The following SLC11A2 variants were observed in gnomAD, a reference collection of about 807,000 sequenced individuals.
SLC11A2 encodes natural resistance-associated macrophage protein 2.
A neutral mutation model predicts 68.0 loss-of-function variants in SLC11A2; 38 were observed. That is an observed-to-expected ratio of 0.56 (90% CI 0.43 to 0.73). The LOEUF is 0.73. Among genes scored for constraint, SLC11A2 ranks in the 30% least tolerant of loss-of-function variants. SLC11A2 has a pLI of 0.00. For missense variants in SLC11A2, 517 were observed against 690.5 expected, an observed-to-expected ratio of 0.75 and a Z score of 2.82; for synonymous variants, 242 against 250.6, an observed-to-expected ratio of 0.97 and a Z score of 0.32.
the SLC11A2 span, among the ~76,000 whole-genome samples, chr12:50,973,379 AG>A: frequency 1.3e-5 from 2 of 152,196 alleles, no homozygotes; most frequent in Non-Finnish European, 2.9e-5. Context: ...CCAGGCAAAA[AG>A]GGTCTGGAGT....
the SLC11A2 span, chr12:50,970,470 C>T: frequency 6.5e-7 from 1 of 1,529,600 alleles, no homozygotes; most frequent in Admixed American, 2.0e-5. Context: ...ATAAGGATTA[C>T]ATTAGACCAC....
intron 3 of SLC11A2, 55 bp from the exon 4 acceptor site, chr12:51,005,491 T>C: frequency 6.2e-7 from 1 of 1,608,160 alleles, no homozygotes; most frequent in Non-Finnish European, 8.5e-7. Context: ...ACTACTGATA[T>C]AATTGGTCTG....
rs892960064 is a variant in SLC11A2 at position 51,025,740 on chromosome 12, A to G, written c.-39+570T>C. On this transcript the variant is annotated intron_variant, in intron 1 of 15. Coordinates refer to ENST00000262052, the MANE Select transcript of SLC11A2 (RefSeq NM_000617.3). ...GCCTGGAATCCAGAGGGTCCCTGAG[A>G]GCTACACAAACAGCCTTAAAACCAA... The G allele has an allele frequency of 6.1e-6, 6 of 985,294 alleles. No homozygotes were observed. In the African/African-American group the frequency reaches 1.0e-4, roughly 17 times the overall value. The allele number at this position is 985,294 out of a possible 1,614,324, so 61.0% of individuals were successfully genotyped here.
chr12:50,970,470 C>G, the SLC11A2 span: 3 of 1,529,600 alleles, frequency 2.0e-6, no homozygotes, highest in South Asian at 3.6e-5. Context: ...ATAAGGATTA[C>G]ATTAGACCAC....
At chr12:51,010,243 C>T (rs557116644) in intron 2 of SLC11A2, among the ~76,000 whole-genome samples, 133 of 151,478 alleles carry the variant, frequency 8.8e-4, no homozygotes, top group African/African-American at 3.0e-3. Flanking sequence ...TCAGGATGGG[C>T]GCGGTAGCTC....
At chr12:50,994,501 A>T in intron 11 of SLC11A2, 43 bp downstream of exon 11, 1 of 1,272,000 alleles carries the variant, frequency 7.9e-7, no homozygotes, top group South Asian at 1.2e-5. Context: ...TATGCTAAAA[A>T]TACTGATTCA....
chr12:50,961,187 G>T, the SLC11A2 span: 3 of 1,373,372 alleles, frequency 2.2e-6, no homozygotes, highest in Admixed American at 5.7e-5. Flanking sequence ...GAAGATGAAT[G>T]TTGGGTCACA....
intron 6 of SLC11A2, among the ~76,000 whole-genome samples, chr12:50,999,799 G>C (rs945222627): frequency 4.6e-5 from 7 of 152,108 alleles, no homozygotes; most frequent in African/African-American, 1.7e-4. Context: ...CCTGAGGTCA[G>C]GAGTTAGAGA....
rs1941221076 is a variant in SLC11A2, at chr12:50,992,194, A to G, written c.1343T>C (p.Leu448Ser). 8 of 1,614,014 alleles carry G rather than the reference A, an allele frequency of 5.0e-6. No individual in the cohort carries two copies. Among genetic ancestry groups the G allele is most frequent in the Non-Finnish European group, 6.8e-6 (8 of 1,179,926 alleles). ...MNDFLNVLQS[L>S]QLPFALIPIL... Reference sequence around the variant, plus strand: ...TTTCCTCAGCTTCCTCCTCACCTGTAAGCTCTGTAGAACATTCAGAAAGTC... The same window carrying G: ...TTTCCTCAGCTTCCTCCTCACCTGTGAGCTCTGTAGAACATTCAGAAAGTC... Residue 448 changes from leucine (L) to serine (S), a missense_variant, in exon 13 of 16, where the codon TTA becomes TCA. Coordinates refer to ENST00000262052, the MANE Select transcript of SLC11A2 (RefSeq NM_000617.3).
At chr12:51,015,089 G>A (rs1943533087) in intron 1 of SLC11A2, among the ~76,000 whole-genome samples, 1 of 151,912 alleles carries the variant, frequency 6.6e-6, no homozygotes, top group African/African-American at 2.4e-5. Flanking sequence ...GAACCCGGGA[G>A]GTGGAGGTTG....
In SLC11A2 at chr12:50,995,750, C is replaced by T. The variant is rs17222449; in HGVS notation, c.869G>A (p.Arg290Gln). The T allele has an allele frequency of 1.1e-4, 184 of 1,614,066 alleles. 1 individual carries two copies. Among genetic ancestry groups the T allele is most frequent in the Non-Finnish European group, 1.5e-4 (172 of 1,179,944 alleles). ...QVNRNNKQEV[R>Q]EANKYFFIES... ...AATGAAAAAGTACTTATTGGCTTCTCGAACTTCCTGCTTATTGTTCCGGTT... is the reference window on the plus strand; with the variant it reads ...AATGAAAAAGTACTTATTGGCTTCTTGAACTTCCTGCTTATTGTTCCGGTT... The change falls in exon 10 of 16, where the codon CGA (arginine) becomes CAA (glutamine). Residue 290 changes from arginine to glutamine, a missense_variant. Arg to Gln is a conservative substitution (Grantham distance 43). Coordinates refer to ENST00000262052, the MANE Select transcript of SLC11A2 (RefSeq NM_000617.3).
upstream of SLC11A2, chr12:51,026,399 C>T (rs1178625339): frequency 9.5e-6 from 12 of 1,266,836 alleles, no homozygotes; most frequent in Non-Finnish European, 1.2e-5. Context: ...AACGCCCTCC[C>T]CTCCCCGCGA....
the SLC11A2 span, among the ~76,000 whole-genome samples, chr12:50,963,095 C>G: frequency 6.6e-5 from 10 of 151,952 alleles, no homozygotes; most frequent in African/African-American, 9.7e-5. Context: ...GTAGGCCAGG[C>G]ATGGTGGTTT....
the SLC11A2 span, among the ~76,000 whole-genome samples, chr12:50,970,729 A>G: frequency 6.6e-6 from 1 of 152,210 alleles, no homozygotes; most frequent in Non-Finnish European, 1.5e-5. Context: ...AACCTAGGGC[A>G]TGATTTTCTG....
the SLC11A2 span, among the ~76,000 whole-genome samples, chr12:50,972,809 C>T: frequency 5.3e-5 from 8 of 152,204 alleles, no homozygotes; most frequent in African/African-American, 1.4e-4. Context: ...TGCACTTTTC[C>T]GACAGTCTTA....
At chr12:50,990,715 C>A in intron 15 of SLC11A2, 80 bp downstream of exon 15, 1 of 1,452,624 alleles carries the variant, frequency 6.9e-7, no homozygotes, top group Non-Finnish European at 9.6e-7. Context: ...CAGCCTGGGT[C>A]TGTTCATTTC....
upstream of SLC11A2, chr12:51,026,522 C>CG (rs1412133810): frequency 4.9e-6 from 2 of 409,750 alleles, no homozygotes; most frequent in African/African-American, 3.2e-5. Context: ...AGTCTGGATG[C>CG]GGCGGCCCCT....
At chr12:51,025,706 C>T (rs1336198162) in intron 1 of SLC11A2, 3 of 969,548 alleles carry the variant, frequency 3.1e-6, no homozygotes, top group South Asian at 4.8e-5. Flanking sequence ...AAAAACCCTG[C>T]TCATTGGAGC....
rs1942589416 is a variant in SLC11A2 at position 51,004,908 on chromosome 12, C to T, written c.310-1G>A. 3 of 1,613,884 alleles carry T rather than the reference C, an allele frequency of 1.9e-6. No homozygotes were observed. Among genetic ancestry groups the T allele is most frequent in the Non-Finnish European group, 2.5e-6 (3 of 1,179,952 alleles). On this transcript the variant is annotated splice_acceptor_variant, in intron 4 of 15. Coordinates refer to ENST00000262052, the MANE Select transcript of SLC11A2 (RefSeq NM_000617.3). LOFTEE classifies it high-confidence loss of function. Reference sequence around the variant, plus strand: ...TGGCCAACAGAAGGATCCAGAGCAACTAAGAAGAACAAAATCTCCTGTAAC... The same window carrying T: ...TGGCCAACAGAAGGATCCAGAGCAATTAAGAAGAACAAAATCTCCTGTAAC...
Sources: gnomAD v4.1 joint callset for allele counts (sites outside exome capture counted in the v4.1 genomes callset) on GRCh38, gnomAD v4.1.1 for gene constraint, MANE v1.5 for transcripts, NCBI Gene and HGNC (gene_info 2026-07-23, HGNC 2026-07-21) for gene names.